ASIC2: variants seen among roughly 807,000 people sequenced by gnomAD.
The protein encoded by ASIC2 is acid sensing ion channel subunit 2.
In ASIC2, 25 loss-of-function variants were observed where a neutral mutation model predicts 57.3. The observed-to-expected ratio is 0.44, with a 90% CI of 0.32 to 0.61. ASIC2 has a LOEUF of 0.61. Among genes scored for constraint, ASIC2 ranks in the 20% least tolerant of loss-of-function variants. ASIC2 has a pLI of 0.06. For synonymous variants in ASIC2, 319 were observed against 307.5 expected (o/e 1.04, Z -0.39); for missense variants, 641 against 738.1 (o/e 0.87, Z 1.52).
At chr17:34,092,695 C>T (rs1024693335) in intron 1 of ASIC2, among the ~76,000 whole-genome samples, 3 of 152,166 alleles carry the variant, frequency 2.0e-5, no homozygotes, top group African/African-American at 7.2e-5. Flanking sequence ...TTTTATTATG[C>T]AATATTTGAG....
rs1555576614 is a variant in ASIC2, at chr17:33,974,647, T to TCCAC, written c.555+181330_555+181331insGTGG. Reference sequence around the variant, plus strand: ...ATCCATCCATCCATCCATCCATCCATAGAGCCCTGCCACAAAGACAGTGCC... The same window carrying TCCAC: ...ATCCATCCATCCATCCATCCATCCATCCACAGAGCCCTGCCACAAAGACAGTGCC... On this transcript the variant is annotated intron_variant, in intron 1 of 9. Transcript: ENST00000359872. Among the ~76,000 whole-genome samples, 508 of 151,464 alleles carry TCCAC rather than the reference T, an allele frequency of 3.4e-3. 3 individuals are homozygous for TCCAC. Among genetic ancestry groups the TCCAC allele is most frequent in the African/African-American group, 0.012 (487 of 41,224 alleles).
intron 3 of ASIC2, among the ~76,000 whole-genome samples, chr17:33,084,625 G>C (rs978540605): frequency 1.3e-5 from 2 of 152,260 alleles, no homozygotes; most frequent in Non-Finnish European, 2.9e-5. Context: ...TGTTGTGGGA[G>C]ATTAAATGAG....
chr17:33,279,146 G>A (rs989677714), intron 1 of ASIC2, among the ~76,000 whole-genome samples: 1 of 152,158 alleles, frequency 6.6e-6, no homozygotes, highest in Admixed American at 6.5e-5. Flanking sequence ...TTATACACAC[G>A]TGGCTAAAAA....
At chr17:34,097,420 A>G (rs1910586907) in intron 1 of ASIC2, among the ~76,000 whole-genome samples, 2 of 152,162 alleles carry the variant, frequency 1.3e-5, no homozygotes, top group Non-Finnish European at 2.9e-5. Context: ...TGTGGGTTGA[A>G]TAGAGTCCCC....
At chr17:33,457,837 G>T (rs944719579) in intron 1 of ASIC2, among the ~76,000 whole-genome samples, 1 of 152,234 alleles carries the variant, frequency 6.6e-6, no homozygotes, top group African/African-American at 2.4e-5. Context: ...GAGGCTCAGA[G>T]AGTTAAGCAA....
At position 33,661,478 on chromosome 17, in the gene ASIC2, T is replaced by G. The variant is rs183698549; in HGVS notation, c.555+494500A>C. On this transcript the variant is annotated intron_variant, in intron 1 of 9. Transcript: ENST00000359872. ...AGCACCCTGAAGTTGTGTAACCAAC[T>G]GGGTTCCCCTGGCCAAGTCTAGTGG... Among the ~76,000 whole-genome samples the G allele has an allele frequency of 2.4e-3, 369 of 152,322 alleles. 3 individuals are homozygous for G. Among genetic ancestry groups the G allele is most frequent in the Non-Finnish European group, 7.8e-4 (53 of 68,030 alleles).
chr17:33,638,752 A>AT (rs919773555), intron 1 of ASIC2, among the ~76,000 whole-genome samples: 9 of 151,662 alleles, frequency 5.9e-5, no homozygotes, highest in East Asian at 5.8e-4. Context: ...CTGCCTGAGA[A>AT]TTTTTTTTTC....
chr17:33,181,895 C>T (rs368896836), intron 1 of ASIC2, among the ~76,000 whole-genome samples: 4 of 152,266 alleles, frequency 2.6e-5, no homozygotes, highest in African/African-American at 9.6e-5. Flanking sequence ...GTGCTTGAAG[C>T]AGAGTGAGGG....
chr17:33,046,215 G>T (rs2091953916), intron 3 of ASIC2, among the ~76,000 whole-genome samples: 1 of 152,188 alleles, frequency 6.6e-6, no homozygotes, highest in South Asian at 2.1e-4. Context: ...GCAGGGGATT[G>T]GGGTGGGGTC....
chr17:33,682,005 A>C (rs1047703903), intron 1 of ASIC2, among the ~76,000 whole-genome samples: 2 of 149,822 alleles, frequency 1.3e-5, no homozygotes, highest in Non-Finnish European at 3.0e-5. Flanking sequence ...CCTTTGTAGA[A>C]CTCTATGACT....
In ASIC2 at chr17:33,735,133, C is replaced by T. The variant is rs1220126345; in HGVS notation, c.555+420845G>A. On this transcript the variant is annotated intron_variant, in intron 1 of 9. Coordinates refer to the ASIC2 transcript ENST00000359872. Reference sequence around the variant, plus strand: ...GACTGTCATATCTAAAATAGTGCCCCGTGCCCAAACTCTTCACCCTCATAC... The same window carrying T: ...GACTGTCATATCTAAAATAGTGCCCTGTGCCCAAACTCTTCACCCTCATAC... Among the ~76,000 whole-genome samples the T allele has an allele frequency of 3.9e-5, 6 of 152,080 alleles. No individual in the cohort carries two copies. In the East Asian group the frequency reaches 5.8e-4, roughly 15 times the overall value.
intron 1 of ASIC2, among the ~76,000 whole-genome samples, chr17:33,691,837 G>T (rs1567690184): frequency 6.6e-6 from 1 of 152,076 alleles, no homozygotes; most frequent in African/African-American, 2.4e-5. Context: ...GTGTGTGTGT[G>T]TCTGTGTATA....
At chr17:33,679,335 T>C (rs1172761969) in intron 1 of ASIC2, among the ~76,000 whole-genome samples, 1 of 152,202 alleles carries the variant, frequency 6.6e-6, no homozygotes, top group Non-Finnish European at 1.5e-5. Flanking sequence ...AAGATACAGA[T>C]CCACTTTTAA....
chr17:33,405,214 C>G (rs1910425847), intron 1 of ASIC2, among the ~76,000 whole-genome samples: 1 of 151,952 alleles, frequency 6.6e-6, no homozygotes, highest in African/African-American at 2.4e-5. Context: ...GGTCTTTGCC[C>G]CCATGGAGGA....
At chr17:33,135,445 T>C (rs1379003320) in intron 1 of ASIC2, among the ~76,000 whole-genome samples, 1 of 152,248 alleles carries the variant, frequency 6.6e-6, no homozygotes, top group Non-Finnish European at 1.5e-5. Context: ...GTGGAATTTA[T>C]GTGTCCATCT....
intron 1 of ASIC2, among the ~76,000 whole-genome samples, chr17:34,007,565 A>AC (rs998819280): frequency 2.6e-5 from 4 of 152,220 alleles, no homozygotes; most frequent in African/African-American, 9.6e-5. Flanking sequence ...CAGAGGAGGT[A>AC]CCCAAGCCCA....
intron 1 of ASIC2, among the ~76,000 whole-genome samples, chr17:34,135,338 G>A (rs533358125): frequency 1.2e-3 from 178 of 152,344 alleles, no homozygotes; most frequent in African/African-American, 4.0e-3. Context: ...ATAGAAAGTG[G>A]CTGAGGACCA....
intron 1 of ASIC2, among the ~76,000 whole-genome samples, chr17:34,060,897 A>G (rs1352860622): frequency 6.6e-6 from 1 of 152,182 alleles, no homozygotes; most frequent in African/African-American, 2.4e-5. Flanking sequence ...GAGGAAGAAG[A>G]GAAATCTAAA....
intron 1 of ASIC2, among the ~76,000 whole-genome samples, chr17:33,567,250 C>A (rs1916263231): frequency 1.3e-5 from 2 of 152,032 alleles, no homozygotes; most frequent in African/African-American, 2.4e-5. Flanking sequence ...GAGAGAAGAC[C>A]TTCATTTCTA....
Sources: gnomAD v4.1 joint callset for allele counts (sites outside exome capture counted in the v4.1 genomes callset) on GRCh38, gnomAD v4.1.1 for gene constraint, MANE v1.5 for transcripts, NCBI Gene and HGNC (gene_info 2026-07-23, HGNC 2026-07-21) for gene names.